Variants in RNF13 observed in about 807,000 individuals in gnomAD.
The protein encoded by RNF13 is ring finger protein 13.
Under a neutral mutation model 37.7 loss-of-function variants are expected in RNF13, and 19 were observed. That is an observed-to-expected ratio of 0.50 (90% CI 0.35 to 0.74). RNF13 has a LOEUF of 0.74. RNF13 is among the 30% of genes least tolerant of loss of function. The probability of loss-of-function intolerance (pLI) is 0.01; values close to 1 mark genes in which losing one functional copy is unlikely to be tolerated. For synonymous variants in RNF13, 144 were observed against 157.8 expected, an observed-to-expected ratio of 0.91 and a Z score of 0.65; for missense variants, 375 against 453.0, an observed-to-expected ratio of 0.83 and a Z score of 1.56.
chr3:149,872,785 G>A (rs908484385), intron 4 of RNF13, among the ~76,000 whole-genome samples: 2 of 152,178 alleles, frequency 1.3e-5, no homozygotes, highest in African/African-American at 4.8e-5. Context: ...ATTATTTCAT[G>A]TCACTTGGTC....
At chr3:149,924,522 C>T (rs145477511) in intron 8 of RNF13, among the ~76,000 whole-genome samples, 33 of 152,124 alleles carry the variant, frequency 2.2e-4, no homozygotes, top group African/African-American at 7.5e-4. Flanking sequence ...TGTGATTTAC[C>T]AGAAACCCAG....
rs539156880 is a variant in RNF13, at chr3:149,951,705, T to C, written c.701-8351T>C. Among the ~76,000 whole-genome samples the C allele has an allele frequency of 1.1e-4, 17 of 152,362 alleles. No homozygotes were observed. The South Asian group carries it at 3.5e-3, about 32-fold the overall frequency. ...TGATAATTTCACATTTTAGGTCTTA[T>C]AAGCATGTAACACATACTATTATGT... is the stretch of plus-strand genomic sequence containing the variant. On this transcript the variant is annotated intron_variant, in intron 8 of 9. Transcript: ENST00000392894.
At chr3:149,918,255 C>G (rs1717749193) in intron 7 of RNF13, among the ~76,000 whole-genome samples, 1 of 152,144 alleles carries the variant, frequency 6.6e-6, no homozygotes, top group South Asian at 2.1e-4. Context: ...CCAGTTCAGA[C>G]TATCTATGTT....
intron 6 of RNF13, among the ~76,000 whole-genome samples, chr3:149,908,388 T>C (rs1215390091): frequency 6.6e-6 from 1 of 152,186 alleles, no homozygotes; most frequent in Non-Finnish European, 1.5e-5. Context: ...ATTTCTATAT[T>C]CTCTCTGATG....
At chr3:149,868,716 G>C (rs1711627340) in intron 3 of RNF13, among the ~76,000 whole-genome samples, 2 of 151,230 alleles carry the variant, frequency 1.3e-5, no homozygotes, top group Admixed American at 1.3e-4. Context: ...TCTGTTGCCA[G>C]ATGAATTGGA....
chr3:149,860,290 T>TAG (rs1724117296), intron 3 of RNF13, among the ~76,000 whole-genome samples: 1 of 140,710 alleles, frequency 7.1e-6, no homozygotes, highest in African/African-American at 2.6e-5. Flanking sequence ...TATATATATA[T>TAG]ATATATATAT....
intron 1 of RNF13, among the ~76,000 whole-genome samples, chr3:149,842,885 T>C (rs1010795717): frequency 6.6e-5 from 10 of 152,234 alleles, no homozygotes; most frequent in African/African-American, 2.4e-4. Flanking sequence ...CATGGACAGC[T>C]ATCTGCAATG....
rs1719058656 is a variant in RNF13, at chr3:149,930,461, A to G, written c.700+9234A>G. Among the ~76,000 whole-genome samples, 3 of 152,218 alleles carry G rather than the reference A, an allele frequency of 2.0e-5. No individual in the cohort carries two copies. The South Asian group carries it at 6.2e-4, about 32-fold the overall frequency. Reference sequence around the variant, plus strand: ...ATAATTTTTTATATACGGATATTCAATTTTCTAATATTTTGTTTAGGATTT... The same window carrying G: ...ATAATTTTTTATATACGGATATTCAGTTTTCTAATATTTTGTTTAGGATTT... On this transcript the variant is annotated intron_variant, in intron 8 of 9. Coordinates refer to ENST00000392894, the MANE Select transcript of RNF13 (RefSeq NM_183381.3).
At chr3:149,836,537 G>A (rs953724608) in intron 1 of RNF13, among the ~76,000 whole-genome samples, 1 of 151,890 alleles carries the variant, frequency 6.6e-6, no homozygotes, top group African/African-American at 2.4e-5. Context: ...TGTTGGCAAG[G>A]ATGTGAAGAA....
intron 5 of RNF13, among the ~76,000 whole-genome samples, chr3:149,898,375 C>G (rs1053615846): frequency 2.6e-5 from 4 of 151,924 alleles, no homozygotes; most frequent in African/African-American, 9.7e-5. Context: ...CTGTTTTAGG[C>G]ACTGTGACTA....
chr3:149,935,862 A>G (rs1391893893), intron 8 of RNF13, among the ~76,000 whole-genome samples: 1 of 152,134 alleles, frequency 6.6e-6, no homozygotes, highest in Non-Finnish European at 1.5e-5. Flanking sequence ...AACTTCAGAT[A>G]TTTTCTTGTT....
intron 1 of RNF13, among the ~76,000 whole-genome samples, chr3:149,824,246 A>C (rs1227055506): frequency 6.6e-6 from 1 of 152,274 alleles, no homozygotes; most frequent in Non-Finnish European, 1.5e-5. Context: ...TGGTAGGCAG[A>C]ATAATGACTG....
At chr3:149,920,809 T>TTAC (rs1553767692) in intron 7 of RNF13, among the ~76,000 whole-genome samples, 1 of 150,066 alleles carries the variant, frequency 6.7e-6, no homozygotes, top group African/African-American at 2.5e-5. Context: ...TTTTTTTTTT[T>TTAC]ACCCATTGGA....
chr3:149,939,722 C>G, intron 8 of RNF13: 1 of 779,708 alleles, frequency 1.3e-6, no homozygotes, highest in South Asian at 1.3e-5. Flanking sequence ...TAATCTTTGT[C>G]GGCCTTTTGT....
At chr3:149,892,557 G>A (rs1714824497) in intron 4 of RNF13, among the ~76,000 whole-genome samples, 1 of 152,178 alleles carries the variant, frequency 6.6e-6, no homozygotes, top group African/African-American at 2.4e-5. Flanking sequence ...GTTAGGAAAT[G>A]GGCCGCATGG....
intron 6 of RNF13, among the ~76,000 whole-genome samples, chr3:149,904,226 C>A (rs918550352): frequency 5.3e-5 from 8 of 152,010 alleles, no homozygotes; most frequent in Admixed American, 5.2e-4. Context: ...CTGAAAGACA[C>A]CAACATAATA....
At chr3:149,930,190 A>G (rs1719031686) in intron 8 of RNF13, among the ~76,000 whole-genome samples, 1 of 152,164 alleles carries the variant, frequency 6.6e-6, no homozygotes, top group South Asian at 2.1e-4. Context: ...CGGCCTCCCA[A>G]AGTGCTGGGA....
chr3:149,932,161 C>T (rs911633910), intron 8 of RNF13, among the ~76,000 whole-genome samples: 6 of 152,130 alleles, frequency 3.9e-5, no homozygotes, highest in Non-Finnish European at 7.4e-5. Context: ...GCAGATATCT[C>T]TTCAATATAC....
Position 149,852,603 on chromosome 3 carries a change from C to T in RNF13, c.195+7C>T, listed in dbSNP as rs1490831868. ...TCCAGCTGAAGGTTTAAAGGTAAGA[C>T]AGTTGGTAATACATTGTAAAGACAC... On this transcript the variant is annotated splice_region_variant and intron_variant, in intron 3 of 9. Transcript: ENST00000392894. 2.1e-6 allele frequency: 3 copies of T among 1,439,718 alleles called. No homozygotes were observed. The highest frequency in any genetic ancestry group is 2.9e-6 in the Non-Finnish European group (3 of 1,044,782). 89.2% of individuals were successfully genotyped at this position (1,439,718 alleles called of 1,614,324 possible).
Sources: allele counts gnomAD v4.1 joint callset (sites outside exome capture counted in the v4.1 genomes callset), GRCh38; gene constraint gnomAD v4.1.1; transcripts MANE v1.5; gene names NCBI Gene and HGNC (gene_info 2026-07-23, HGNC 2026-07-21).